Variants in DGLUCY observed in about 807,000 individuals in gnomAD.
DGLUCY encodes the protein D-glutamate cyclase, mitochondrial.
DGLUCY carries 58 observed loss-of-function variants against 58.5 expected under a neutral mutation model. That is an observed-to-expected ratio of 0.99 (90% confidence interval 0.80 to 1.23). The LOEUF is 1.23. Ranked by LOEUF, DGLUCY falls within the 50% of genes most tolerant of loss-of-function variation. DGLUCY has a pLI of 0.00. For missense variants in DGLUCY, 779 were observed against 784.7 expected, an observed-to-expected ratio of 0.99 and a Z score of 0.09; for synonymous variants, 325 against 314.1, an observed-to-expected ratio of 1.03 and a Z score of -0.37.
chr14:91,073,422 C>G (rs775661297), intron 1 of DGLUCY, among the ~76,000 whole-genome samples: 6 of 152,204 alleles, frequency 3.9e-5, no homozygotes, highest in Non-Finnish European at 5.9e-5. Flanking sequence ...GCCTGGGCGA[C>G]AGAGTGAGAT....
intron 8 of DGLUCY, among the ~76,000 whole-genome samples, chr14:91,182,898 GTTATTTTATT>G (rs59683770): frequency 6.0e-5 from 9 of 149,472 alleles, no homozygotes; most frequent in African/African-American, 1.5e-4. Context: ...ATTCCAATTA[GTTATTTTATT>G]TTATTTTATT....
At chr14:91,222,305 G>A (rs1261167896) in intron 13 of DGLUCY, among the ~76,000 whole-genome samples, 1 of 152,184 alleles carries the variant, frequency 6.6e-6, no homozygotes, top group Non-Finnish European at 1.5e-5. Context: ...CTGATTGCGT[G>A]CACCCTGAGG....
At chr14:91,127,099 C>T (rs991519017) in intron 1 of DGLUCY, among the ~76,000 whole-genome samples, 11 of 149,208 alleles carry the variant, frequency 7.4e-5, no homozygotes, top group Admixed American at 2.0e-4. Context: ...CTCTGTCACC[C>T]AGGCTGAAGT....
At chr14:91,152,468 A>C (rs2047387020) in intron 1 of DGLUCY, among the ~76,000 whole-genome samples, 1 of 152,202 alleles carries the variant, frequency 6.6e-6, no homozygotes, top group Non-Finnish European at 1.5e-5. Context: ...CCTTGTATTT[A>C]ACCTATTAAA....
intron 1 of DGLUCY, 121 bp from the exon 2 acceptor site, chr14:91,157,518 G>A (rs912965276): frequency 2.6e-5 from 4 of 152,126 alleles, no homozygotes; most frequent in Admixed American, 6.6e-5. Context: ...GTACGTAAAC[G>A]CCCTAGCATG....
chr14:91,095,178 T>C (rs1183021703), intron 1 of DGLUCY, among the ~76,000 whole-genome samples: 2 of 152,186 alleles, frequency 1.3e-5, no homozygotes, highest in African/African-American at 2.4e-5. Context: ...AGAGCAGATG[T>C]CCATCCTCGG....
intron 7 of DGLUCY, among the ~76,000 whole-genome samples, chr14:91,179,281 G>A (rs2049026452): frequency 6.6e-6 from 1 of 152,068 alleles, no homozygotes. Flanking sequence ...AACTAAGAAT[G>A]AGTAAGATAC....
At chr14:91,194,262 G>C (rs2050075345) in intron 9 of DGLUCY, among the ~76,000 whole-genome samples, 1 of 152,086 alleles carries the variant, frequency 6.6e-6, no homozygotes, top group Non-Finnish European at 1.5e-5. Flanking sequence ...GCTTGCCCAA[G>C]GTCACATAGC....
At chr14:91,193,261 C>T (rs2050011857) in intron 9 of DGLUCY, among the ~76,000 whole-genome samples, 1 of 152,150 alleles carries the variant, frequency 6.6e-6, no homozygotes, top group African/African-American at 2.4e-5. Flanking sequence ...ATTCACAGGC[C>T]AACCTCATTT....
At chr14:91,111,198 A>ATGTGTGTGTGTG (rs1201886405), upstream of DGLUCY, among the ~76,000 whole-genome samples, 15 of 32,648 alleles carry the variant, frequency 4.6e-4, no homozygotes, top group African/African-American at 1.3e-3. Flanking sequence ...TTTTATTTAT[A>ATGTGTGTGTGTG]TATATGTGTG....
intron 1 of DGLUCY, among the ~76,000 whole-genome samples, chr14:91,073,586 C>T (rs541389732): frequency 1.1e-4 from 16 of 152,206 alleles, no homozygotes; most frequent in African/African-American, 2.4e-4. Flanking sequence ...CCATCCCCGT[C>T]GGGATTACAG....
At chr14:91,212,128 C>G (rs1184479117) in intron 12 of DGLUCY, among the ~76,000 whole-genome samples, 5 of 152,090 alleles carry the variant, frequency 3.3e-5, no homozygotes, top group African/African-American at 1.2e-4. Flanking sequence ...GATAACAACA[C>G]CAAAGGCATT....
chr14:91,201,741 G>C (rs11848165), intron 11 of DGLUCY, among the ~76,000 whole-genome samples: 21,346 of 151,876 alleles, frequency 0.14, 2,082 homozygotes, highest in African/African-American at 0.28. Flanking sequence ...ACTGAGCCTG[G>C]CCTTCAGTCG....
At chr14:91,074,154 C>CACACCAGGCTGGGCAACATAATGAG (rs2043974014) in intron 1 of DGLUCY, among the ~76,000 whole-genome samples, 1 of 147,492 alleles carries the variant, frequency 6.8e-6, no homozygotes, top group African/African-American at 2.5e-5. Flanking sequence ...CACACACACA[C>CACACCAGGCTGGGCAACATAATGAG]ACACACAGTC....
At chr14:91,123,829 T>C (rs961269410) in intron 1 of DGLUCY, among the ~76,000 whole-genome samples, 3 of 152,108 alleles carry the variant, frequency 2.0e-5, no homozygotes, top group Non-Finnish European at 4.4e-5. Flanking sequence ...TCGCCTGCCT[T>C]GGCCTGCCAA....
intron 1 of DGLUCY, among the ~76,000 whole-genome samples, chr14:91,143,105 G>GT (rs936362985): frequency 7.8e-5 from 11 of 141,096 alleles, no homozygotes; most frequent in East Asian, 2.1e-4. Context: ...TTTTGTTTTT[G>GT]TTTTTTTTGA....
intron 1 of DGLUCY, among the ~76,000 whole-genome samples, chr14:91,129,353 T>C (rs1440404222): frequency 6.6e-6 from 1 of 152,134 alleles, no homozygotes; most frequent in Admixed American, 6.6e-5. Flanking sequence ...CTTTTCTTTA[T>C]AGTTTTCCTT....
intron 1 of DGLUCY, among the ~76,000 whole-genome samples, chr14:91,077,252 G>A (rs1172432814): frequency 6.6e-6 from 1 of 150,644 alleles, no homozygotes; most frequent in Non-Finnish European, 1.5e-5. Flanking sequence ...AGCAAAGAGT[G>A]GGGAGAGAGA....
chr14:91,125,237 T>C (rs2045602208), intron 1 of DGLUCY, among the ~76,000 whole-genome samples: 1 of 152,206 alleles, frequency 6.6e-6, no homozygotes, highest in Non-Finnish European at 1.5e-5. Flanking sequence ...ATGGCCTTGC[T>C]GAGGAAATTA....
Sources: gnomAD v4.1 joint callset for allele counts (sites outside exome capture counted in the v4.1 genomes callset) on GRCh38, gnomAD v4.1.1 for gene constraint, MANE v1.5 for transcripts, NCBI Gene and HGNC (gene_info 2026-07-23, HGNC 2026-07-21) for gene names.